The following VAV2 variants were observed in gnomAD, a reference collection of about 807,000 sequenced individuals.
VAV2 encodes vav guanine nucleotide exchange factor 2, also known as guanine nucleotide exchange factor VAV2.
Under a neutral mutation model 132.5 loss-of-function variants are expected in VAV2, and 67 were observed. The ratio of observed to expected loss-of-function variants is 0.51; its 90% confidence interval spans 0.42 to 0.62. The LOEUF is 0.62. Ranked by LOEUF, VAV2 falls within the 20% of genes least tolerant of loss-of-function variation. The pLI, the probability that VAV2 is intolerant of heterozygous loss-of-function variation, is 0.00. For missense variants in VAV2, 938 were observed against 1,153.6 expected, an observed-to-expected ratio of 0.81 and a Z score of 2.71; for synonymous variants, 492 against 443.5, an observed-to-expected ratio of 1.11 and a Z score of -1.37.
intron 2 of VAV2, among the ~76,000 whole-genome samples, chr9:133,882,738 T>C (rs1408897268): frequency 6.6e-6 from 1 of 151,962 alleles, no homozygotes; most frequent in Non-Finnish European, 1.5e-5. Context: ...AGAAAAAGGA[T>C]AAATGTCACA....
At chr9:133,886,675 G>T (rs1004581802) in intron 2 of VAV2, among the ~76,000 whole-genome samples, 1 of 152,206 alleles carries the variant, frequency 6.6e-6, no homozygotes, top group Non-Finnish European at 1.5e-5. Context: ...CTGCTCCGCG[G>T]GGCACCTGCA....
intron 22 of VAV2, among the ~76,000 whole-genome samples, chr9:133,777,921 T>C (rs1404280100): frequency 1.3e-5 from 2 of 152,194 alleles, no homozygotes; most frequent in African/African-American, 4.8e-5. Context: ...TCGGCTCTAA[T>C]GTCAGCTCCC....
At chr9:133,937,447 G>A (rs1406369094) in intron 2 of VAV2, among the ~76,000 whole-genome samples, 3 of 144,634 alleles carry the variant, frequency 2.1e-5, no homozygotes, top group East Asian at 4.1e-4. Context: ...TATGTGAGCT[G>A]TGTGTGTCTG....
chr9:133,965,345 A>C lies in VAV2; in HGVS notation c.205-26126T>G, dbSNP rs116341929. ...TCTAAAAAAAAAAAATAATAATAAC[A>C]AAAGTTAGGCAGGCATGATGATGGG... On this transcript the variant is annotated intron_variant, in intron 1 of 29. Coordinates refer to ENST00000371850, the MANE Select transcript of VAV2 (RefSeq NM_001134398.2). Among the ~76,000 whole-genome samples, 779 of 151,972 alleles carry C rather than the reference A, an allele frequency of 5.1e-3. 6 individuals are homozygous for C. The highest frequency in any genetic ancestry group is 0.017 in the African/African-American group (726 of 41,486).
intron 2 of VAV2, among the ~76,000 whole-genome samples, chr9:133,878,303 G>A (rs879620846): frequency 3.3e-5 from 5 of 152,128 alleles, no homozygotes; most frequent in Admixed American, 2.6e-4. Context: ...CGAACCACAC[G>A]CACTACAGAG....
At chr9:133,905,330 G>C (rs959733270) in intron 2 of VAV2, among the ~76,000 whole-genome samples, 2 of 151,520 alleles carry the variant, frequency 1.3e-5, no homozygotes, top group Non-Finnish European at 2.9e-5. Flanking sequence ...CAGCTACTCG[G>C]GAGGCTGAGG....
At chr9:133,815,652 G>A (rs759383855) in intron 4 of VAV2, among the ~76,000 whole-genome samples, 3 of 152,206 alleles carry the variant, frequency 2.0e-5, no homozygotes, top group Non-Finnish European at 4.4e-5. Context: ...GTTTACTGCT[G>A]AGTACTAATC....
rs993625999 is a variant in VAV2, at chr9:133,776,228, C to T, written c.1966-148G>A. The T allele has an allele frequency of 4.3e-6, 5 of 1,162,856 alleles. No individual in the cohort carries two copies. The South Asian group carries it at 5.6e-5, about 13-fold the overall frequency. The allele number at this position is 1,162,856 out of a possible 1,614,324, so 72.0% of individuals were successfully genotyped here. On this transcript the variant is annotated intron_variant, in intron 23 of 29. Transcript: ENST00000371850. ...TGGACTTAGCCCCAGCGCCCCTGGC[C>T]TGGGAGGTGCCCAAGGGTCGTGGCC...
chr9:133,798,121 A>C (rs1032932298), intron 9 of VAV2, among the ~76,000 whole-genome samples: 1 of 152,006 alleles, frequency 6.6e-6, no homozygotes, highest in Non-Finnish European at 1.5e-5. Flanking sequence ...TCCCACCCCC[A>C]AAAAGGGCCA....
chr9:133,979,634 C>T (rs937074361), intron 1 of VAV2, among the ~76,000 whole-genome samples: 3 of 152,206 alleles, frequency 2.0e-5, no homozygotes, highest in East Asian at 3.8e-4. Context: ...GGCACTAATC[C>T]GGGCCCGGCC....
intron 1 of VAV2, among the ~76,000 whole-genome samples, chr9:133,965,377 T>C (rs1169304815): frequency 2.0e-5 from 3 of 151,154 alleles, no homozygotes; most frequent in East Asian, 3.9e-4. Flanking sequence ...TGGGAACCTA[T>C]AGTCCCAGCT....
At chr9:133,844,831 G>T (rs1191100147) in intron 3 of VAV2, among the ~76,000 whole-genome samples, 1 of 152,244 alleles carries the variant, frequency 6.6e-6, no homozygotes, top group Non-Finnish European at 1.5e-5. Context: ...CAAGGCTTGG[G>T]TCTGCCCAAG....
At chr9:133,886,731 C>T (rs562216325) in intron 2 of VAV2, among the ~76,000 whole-genome samples, 208 of 152,342 alleles carry the variant, frequency 1.4e-3, no homozygotes, top group Non-Finnish European at 1.3e-3. Flanking sequence ...CTGGCAACAC[C>T]CACGTCCAGA....
chr9:133,766,737 C>T (rs556073229), intron 29 of VAV2, among the ~76,000 whole-genome samples: 1 of 118,362 alleles, frequency 8.4e-6, no homozygotes, highest in South Asian at 2.6e-4. Context: ...GCACATGTAC[C>T]CTAGAACTTA....
chr9:133,967,227 T>C (rs1308834539), intron 1 of VAV2, among the ~76,000 whole-genome samples: 3 of 152,086 alleles, frequency 2.0e-5, no homozygotes, highest in African/African-American at 7.2e-5. Flanking sequence ...CTCACCCCAG[T>C]TATAATAGCT....
chr9:133,831,836 G>A (rs1199260086), intron 4 of VAV2, among the ~76,000 whole-genome samples: 2 of 152,228 alleles, frequency 1.3e-5, no homozygotes, highest in African/African-American at 4.8e-5. Context: ...CTGTGTGGTG[G>A]GGGGCTAGGG....
intron 4 of VAV2, among the ~76,000 whole-genome samples, chr9:133,821,170 G>GACA (rs1401962266): frequency 1.3e-5 from 2 of 152,186 alleles, no homozygotes; most frequent in African/African-American, 4.8e-5. Context: ...TCAGTGTCTC[G>GACA]GCTAGAAAGA....
In VAV2 at chr9:133,804,265, T is replaced by A. The variant is rs1349226442; in HGVS notation, c.836+1816A>T. ...ACGATGATTTGGTGATGAGCTCTGA[T>A]GAAACGCTGACAGCCCCTTCCCCAA... On this transcript the variant is annotated intron_variant, in intron 9 of 29. Coordinates refer to ENST00000371850, the MANE Select transcript of VAV2 (RefSeq NM_001134398.2). The surrounding 1 kb of genome is among the most constrained non-coding windows in gnomAD (Gnocchi z 4.5). 6.6e-6 allele frequency among the ~76,000 whole-genome samples: 1 copy of A among 152,200 alleles called. No individual in the cohort carries two copies. The highest frequency in any genetic ancestry group is 1.5e-5 in the Non-Finnish European group (1 of 68,038).
intron 1 of VAV2, among the ~76,000 whole-genome samples, chr9:133,964,028 T>TATATATAC (rs1842049773): frequency 1.4e-5 from 1 of 72,860 alleles, no homozygotes; most frequent in Non-Finnish European, 3.0e-5. Flanking sequence ...CATTCATATA[T>TATATATAC]ATATATATAT....
Sources: allele counts gnomAD v4.1 joint callset (sites outside exome capture counted in the v4.1 genomes callset), GRCh38; gene constraint gnomAD v4.1.1; non-coding constraint Gnocchi (gnomAD v3.1); transcripts MANE v1.5; gene names NCBI Gene and HGNC (gene_info 2026-07-23, HGNC 2026-07-21).